CDH12: variants seen among roughly 807,000 people sequenced by gnomAD.
The protein encoded by CDH12 is cadherin 12.
In CDH12, 41 loss-of-function variants were observed where a neutral mutation model predicts 74.1. The observed-to-expected ratio is 0.55, with a 90% CI of 0.43 to 0.72. The LOEUF (loss-of-function observed/expected upper bound fraction) is 0.72. CDH12 is among the 30% of genes least tolerant of loss of function. CDH12 has a pLI of 0.00. For synonymous variants in CDH12, 399 were observed against 355.0 expected (o/e 1.12, Z -1.39); for missense variants, 945 against 977.2 (o/e 0.97, Z 0.44).
chr5:21,766,619 T>C (rs1745037861), intron 11 of CDH12, among the ~76,000 whole-genome samples: 1 of 151,944 alleles, frequency 6.6e-6, no homozygotes, highest in Non-Finnish European at 1.5e-5. Context: ...CATTACCATT[T>C]ATACTTTGTG....
intron 1 of CDH12, among the ~76,000 whole-genome samples, chr5:22,604,629 A>G (rs953242275): frequency 6.6e-6 from 1 of 152,320 alleles, no homozygotes; most frequent in Non-Finnish European, 1.5e-5. Flanking sequence ...TTGCATCTAA[A>G]AAAACCTTCA....
chr5:22,096,178 G>GC (rs1187344432), intron 4 of CDH12, among the ~76,000 whole-genome samples: 2 of 151,956 alleles, frequency 1.3e-5, no homozygotes, highest in Non-Finnish European at 2.9e-5. Context: ...AAACCTAAAT[G>GC]CCTTATTTTC....
intron 2 of CDH12, among the ~76,000 whole-genome samples, chr5:22,429,168 G>C (rs1487336965): frequency 3.3e-5 from 5 of 150,678 alleles, no homozygotes; most frequent in Admixed American, 1.3e-4. Flanking sequence ...GCCTTGTTTT[G>C]TTGACCAGGC....
intron 4 of CDH12, among the ~76,000 whole-genome samples, chr5:22,198,111 T>A (rs2150352285): frequency 6.6e-6 from 1 of 152,262 alleles, no homozygotes; most frequent in East Asian, 1.9e-4. Flanking sequence ...CCATGCAGAA[T>A]AACTTTTTTC....
intron 1 of CDH12, among the ~76,000 whole-genome samples, chr5:22,663,582 C>A (rs907954697): frequency 6.6e-6 from 1 of 152,086 alleles, no homozygotes; most frequent in African/African-American, 2.4e-5. Context: ...AACAAAAGTA[C>A]TTATCTTGAA....
intron 3 of CDH12, among the ~76,000 whole-genome samples, chr5:22,315,352 C>T (rs1228047561): frequency 6.6e-6 from 1 of 151,776 alleles, no homozygotes; most frequent in African/African-American, 2.4e-5. Flanking sequence ...GGAGTCCATG[C>T]AGATAGCTTA....
intron 6 of CDH12, among the ~76,000 whole-genome samples, chr5:21,888,838 A>G (rs1189802695): frequency 2.0e-5 from 3 of 152,144 alleles, no homozygotes; most frequent in African/African-American, 4.8e-5. Flanking sequence ...CTATTTTATG[A>G]AATAAATGAT....
intron 1 of CDH12, among the ~76,000 whole-genome samples, chr5:22,725,544 G>A (rs182223494): frequency 1.6e-4 from 24 of 151,450 alleles, no homozygotes; most frequent in African/African-American, 5.6e-4. Context: ...TATCTTATAA[G>A]CAACAGAAAT....
intron 2 of CDH12, among the ~76,000 whole-genome samples, chr5:22,489,550 CA>C (rs1185492374): frequency 6.6e-6 from 1 of 151,882 alleles, no homozygotes; most frequent in Non-Finnish European, 1.5e-5. Context: ...GATATAGCTA[CA>C]AAAAATAATC....
rs1193090453 is a variant in CDH12, at chr5:22,769,710, C to T, written c.-523+83348G>A. On this transcript the variant is annotated intron_variant, in intron 1 of 14. Coordinates refer to ENST00000382254, the MANE Select transcript of CDH12 (RefSeq NM_004061.5). ...TTATCAGCAAACTTCTTACACCCAT[C>T]CCTGCAAATGAAGAGACTTGGGGAT... 2.6e-5 allele frequency among the ~76,000 whole-genome samples: 4 copies of T among 152,030 alleles called. No individual in the cohort carries two copies. The East Asian group carries it at 7.7e-4, about 29-fold the overall frequency.
intron 1 of CDH12, among the ~76,000 whole-genome samples, chr5:22,754,885 G>A (rs1460697996): frequency 1.3e-5 from 2 of 152,152 alleles, no homozygotes; most frequent in African/African-American, 4.8e-5. Flanking sequence ...CTGTCTTATT[G>A]AGACTGTCTA....
At chr5:21,799,821 G>T (rs115827769) in intron 10 of CDH12, among the ~76,000 whole-genome samples, 1 of 152,110 alleles carries the variant, frequency 6.6e-6, no homozygotes, top group African/African-American at 2.4e-5. Flanking sequence ...GGGTAGGGTC[G>T]CTCAGTGGAG....
chr5:22,188,726 T>C (rs1439009587), intron 4 of CDH12, among the ~76,000 whole-genome samples: 2 of 152,204 alleles, frequency 1.3e-5, no homozygotes, highest in Non-Finnish European at 2.9e-5. Context: ...TGTTTCATTA[T>C]CCTCAATTAA....
At chr5:22,848,776 C>T (rs114446487) in intron 1 of CDH12, among the ~76,000 whole-genome samples, 3 of 152,252 alleles carry the variant, frequency 2.0e-5, no homozygotes, top group Non-Finnish European at 4.4e-5. Context: ...CATTTCTTGG[C>T]TCTCCTTGCT....
At chr5:22,500,291 T>C (rs1324939290) in intron 2 of CDH12, among the ~76,000 whole-genome samples, 1 of 152,150 alleles carries the variant, frequency 6.6e-6, no homozygotes, top group Non-Finnish European at 1.5e-5. Context: ...TTACTAAATG[T>C]TATAGGAGAG....
At chr5:22,383,585 A>G (rs1475008717) in intron 3 of CDH12, among the ~76,000 whole-genome samples, 1 of 152,170 alleles carries the variant, frequency 6.6e-6, no homozygotes, top group Non-Finnish European at 1.5e-5. Context: ...GCTGGTAGAA[A>G]TTCTCATTTT....
intron 5 of CDH12, 43 bp downstream of exon 5, chr5:22,078,403 C>T (rs779589674): frequency 1.9e-6 from 3 of 1,553,072 alleles, no homozygotes; most frequent in South Asian, 1.1e-5. Flanking sequence ...AATGCATATT[C>T]CCCCTTCCTA....
At chr5:22,773,489 A>G (rs1260139128) in intron 1 of CDH12, among the ~76,000 whole-genome samples, 1 of 152,198 alleles carries the variant, frequency 6.6e-6, no homozygotes, top group Non-Finnish European at 1.5e-5. Context: ...ACCATATATA[A>G]TAACTAACTC....
chr5:22,686,503 G>A (rs1477615240), intron 1 of CDH12, among the ~76,000 whole-genome samples: 1 of 152,070 alleles, frequency 6.6e-6, no homozygotes, highest in African/African-American at 2.4e-5. Flanking sequence ...GAATTTTGTA[G>A]TTTTAGCTCT....
Sources: gnomAD v4.1 joint callset for allele counts (sites outside exome capture counted in the v4.1 genomes callset) on GRCh38, gnomAD v4.1.1 for gene constraint, MANE v1.5 for transcripts, NCBI Gene and HGNC (gene_info 2026-07-23, HGNC 2026-07-21) for gene names.